CPEB3: variants seen among roughly 807,000 people sequenced by gnomAD.
CPEB3 encodes the protein cytoplasmic polyadenylation element binding protein 3.
Under a neutral mutation model 67.2 loss-of-function variants are expected in CPEB3, and 20 were observed. That is an observed-to-expected ratio of 0.30 (90% CI 0.21 to 0.43). CPEB3 has a LOEUF of 0.43. CPEB3 is among the 20% of genes least tolerant of loss of function. The pLI is 1.00. For synonymous variants in CPEB3, 376 were observed against 393.1 expected (o/e 0.96, Z 0.51); for missense variants, 746 against 968.6 (o/e 0.77, Z 3.05).
chr10:92,104,271 G>C (rs1844328725), intron 7 of CPEB3, among the ~76,000 whole-genome samples: 1 of 152,064 alleles, frequency 6.6e-6, no homozygotes, highest in Non-Finnish European at 1.5e-5. Flanking sequence ...TCTTTGATGG[G>C]ACAAGTATTC....
At chr10:92,270,655 C>A (rs1853267594) in intron 1 of CPEB3, among the ~76,000 whole-genome samples, 1 of 150,896 alleles carries the variant, frequency 6.6e-6, no homozygotes, top group African/African-American at 2.4e-5. Flanking sequence ...CTCAACCTCC[C>A]GGGCTCAAGC....
At chr10:92,279,198 G>C (rs1216436452) in intron 1 of CPEB3, among the ~76,000 whole-genome samples, 1 of 152,136 alleles carries the variant, frequency 6.6e-6, no homozygotes, top group Non-Finnish European at 1.5e-5. Context: ...ACTTTATCAA[G>C]TTGAGGAAGT....
At chr10:92,148,340 C>T (rs1156424991) in intron 4 of CPEB3, among the ~76,000 whole-genome samples, 1 of 152,168 alleles carries the variant, frequency 6.6e-6, no homozygotes, top group Non-Finnish European at 1.5e-5. Flanking sequence ...TTCCCTCTAC[C>T]TAAAACAAAC....
chr10:92,186,636 T>C (rs888936130), intron 3 of CPEB3, among the ~76,000 whole-genome samples: 1 of 152,070 alleles, frequency 6.6e-6, no homozygotes, highest in Non-Finnish European at 1.5e-5. Flanking sequence ...GGTTTCACCA[T>C]GTAGGCCAGG....
At chr10:92,236,488 C>T (rs1851537036) in intron 2 of CPEB3, among the ~76,000 whole-genome samples, 1 of 152,204 alleles carries the variant, frequency 6.6e-6, no homozygotes, top group South Asian at 2.1e-4. Context: ...TGGCTCATGC[C>T]TGTAATCCCA....
intron 7 of CPEB3, 36 bp downstream of exon 7, chr10:92,111,040 C>T: frequency 7.4e-7 from 1 of 1,357,946 alleles, no homozygotes; most frequent in Middle Eastern, 1.8e-4. Context: ...AGCATATGTG[C>T]TCTGGAAAAG....
intron 7 of CPEB3, among the ~76,000 whole-genome samples, chr10:92,093,593 C>G (rs571149007): frequency 2.0e-5 from 3 of 152,030 alleles, no homozygotes; most frequent in East Asian, 3.9e-4. Context: ...CCTCCACCCC[C>G]CAGGTTCAAG....
At chr10:92,201,311 T>G (rs1237057468) in intron 2 of CPEB3, among the ~76,000 whole-genome samples, 2 of 152,082 alleles carry the variant, frequency 1.3e-5, no homozygotes, top group Non-Finnish European at 2.9e-5. Context: ...GCGGATCACC[T>G]GAGGTCAGCA....
chr10:92,289,843 C>CATATGTATTATATATTAT (rs1842756747), intron 1 of CPEB3, among the ~76,000 whole-genome samples: 1 of 88,834 alleles, frequency 1.1e-5, no homozygotes, highest in African/African-American at 8.2e-5. Flanking sequence ...ATATATAATA[C>CATATGTATTATATATTAT]AAATATATAT....
chr10:92,149,907 G>A (rs1367965330), intron 4 of CPEB3, among the ~76,000 whole-genome samples: 2 of 152,170 alleles, frequency 1.3e-5, no homozygotes, highest in African/African-American at 4.8e-5. Flanking sequence ...TCTGCTACAG[G>A]CAGCCACTGA....
chr10:92,127,665 C>T (rs949123755), intron 6 of CPEB3, among the ~76,000 whole-genome samples: 4 of 152,176 alleles, frequency 2.6e-5, no homozygotes, highest in East Asian at 3.9e-4. Flanking sequence ...GGCAACAAAG[C>T]GAGACTCTGT....
chr10:92,183,701 C>A (rs1415992703), intron 3 of CPEB3, among the ~76,000 whole-genome samples: 2 of 152,032 alleles, frequency 1.3e-5, no homozygotes, highest in Non-Finnish European at 2.9e-5. Context: ...TTAAGGAAAT[C>A]GCATATATGG....
At chr10:92,179,325 T>C (rs1421322999) in intron 4 of CPEB3, among the ~76,000 whole-genome samples, 1 of 152,316 alleles carries the variant, frequency 6.6e-6, no homozygotes, top group East Asian at 1.9e-4. Flanking sequence ...GAAAAATGTC[T>C]TTTAGCTCCA....
chr10:92,184,351 T>C lies in CPEB3; in HGVS notation c.1166-3332A>G, dbSNP rs574199200. On this transcript the variant is annotated intron_variant, in intron 3 of 9. Coordinates refer to ENST00000265997, the MANE Select transcript of CPEB3 (RefSeq NM_014912.5). ...TGGGCACCGTGGCTCACGCCTGTAA[T>C]CCCAACACTTTGGGAGGCCGAGGCA... Among the ~76,000 whole-genome samples, 93 of 152,314 alleles carry C rather than the reference T, an allele frequency of 6.1e-4. 2 individuals are homozygous for C. In the South Asian group the frequency reaches 8.7e-3, roughly 14 times the overall value.
chr10:92,272,491 A>G (rs2135002098), intron 1 of CPEB3, among the ~76,000 whole-genome samples: 1 of 152,272 alleles, frequency 6.6e-6, no homozygotes, highest in Non-Finnish European at 1.5e-5. Flanking sequence ...ATAGGCACAC[A>G]TCTCTATGTG....
chr10:92,285,276 A>T (rs562287494), intron 1 of CPEB3, among the ~76,000 whole-genome samples: 6 of 151,912 alleles, frequency 3.9e-5, no homozygotes, highest in African/African-American at 7.2e-5. Context: ...TTTCTTTCTT[A>T]TTTTTATTTT....
chr10:92,205,470 CTTTTTTTTTT>C (rs34029695), intron 2 of CPEB3, among the ~76,000 whole-genome samples: 3 of 91,020 alleles, frequency 3.3e-5, no homozygotes, highest in African/African-American at 9.7e-5. Context: ...AAATTCAGTC[CTTTTTTTTTT>C]TTTTTTTTTT....
At chr10:92,265,451 T>C (rs755796881) in intron 1 of CPEB3, among the ~76,000 whole-genome samples, 3 of 151,964 alleles carry the variant, frequency 2.0e-5, no homozygotes, top group Non-Finnish European at 2.9e-5. Context: ...TTATGAAAAA[T>C]GTCTCTCCCA....
rs745954819 is a variant in CPEB3 at position 92,052,266 on chromosome 10, C to T, written c.2043G>A (p.Pro681=). The T allele has an allele frequency of 2.9e-5, 47 of 1,614,016 alleles. No homozygotes were observed. The highest frequency in any genetic ancestry group is 3.3e-4 in the Middle Eastern group (2 of 6,084). ...HSRAGREFHK[P]LVKEGGDRPR... ...GGCGGTCGCCTCCCTCCTTCACCAG[C>T]GGTTTGTGGAACTCCCGCCCGGCTC... Residue 681 remains proline, a synonymous_variant, in exon 10 of 10, where the codon CCG becomes CCA. Coordinates refer to ENST00000265997, the MANE Select transcript of CPEB3 (RefSeq NM_014912.5).
Sources: gnomAD v4.1 joint callset for allele counts (sites outside exome capture counted in the v4.1 genomes callset) on GRCh38, gnomAD v4.1.1 for gene constraint, MANE v1.5 for transcripts, NCBI Gene and HGNC (gene_info 2026-07-23, HGNC 2026-07-21) for gene names.